The following MED26 variants were observed in gnomAD, a reference collection of about 807,000 sequenced individuals.
MED26 encodes the protein mediator of RNA polymerase II transcription subunit 26.
MED26 carries 7 observed loss-of-function variants against 43.7 expected under a neutral mutation model. The ratio of observed to expected loss-of-function variants is 0.16; its 90% CI spans 0.09 to 0.30. MED26 has a LOEUF of 0.30. Ranked by LOEUF, MED26 falls within the 10% of genes least tolerant of loss-of-function variation. The probability of loss-of-function intolerance (pLI) is 1.00; values close to 1 mark genes in which losing one functional copy is unlikely to be tolerated. For missense variants in MED26, 784 were observed against 840.6 expected, an observed-to-expected ratio of 0.93 and a Z score of 0.83; for synonymous variants, 375 against 371.1, an observed-to-expected ratio of 1.01 and a Z score of -0.12.
chr19:16,585,302 C>T (rs959451099), intron 1 of MED26, among the ~76,000 whole-genome samples: 33 of 152,156 alleles, frequency 2.2e-4, no homozygotes, highest in African/African-American at 7.2e-4. Context: ...CAGGGGCACA[C>T]GCTAGGTCGA....
In MED26 at chr19:16,623,543, C is replaced by T. The variant is rs142084170; in HGVS notation, c.72+4329G>A. Among the ~76,000 whole-genome samples the T allele has an allele frequency of 1.5e-3, 230 of 152,330 alleles. 1 individual carries two copies. The highest frequency in any genetic ancestry group is 3.5e-3 in the Admixed American group (53 of 15,300). On this transcript the variant is annotated intron_variant, in intron 1 of 2. Coordinates refer to ENST00000263390, the MANE Select transcript of MED26 (RefSeq NM_004831.5). The stretch of plus-strand genomic sequence containing the variant: ...TCCACATCGGTTGCTAGTTGCCACA[C>T]CGTGGTCTGGCCCAGGTTTCTGTCT...
chr19:16,598,004 C>T (rs1050575165), intron 1 of MED26, among the ~76,000 whole-genome samples: 3 of 151,818 alleles, frequency 2.0e-5, no homozygotes, highest in East Asian at 2.0e-4. Flanking sequence ...GGATTACAGG[C>T]GCAAGCCATT....
intron 1 of MED26, among the ~76,000 whole-genome samples, chr19:16,591,547 C>T (rs886374109): frequency 5.9e-5 from 9 of 152,198 alleles, no homozygotes; most frequent in African/African-American, 2.2e-4. Flanking sequence ...TGCCAAGCAG[C>T]CACCAAGCCA....
At chr19:16,605,699 A>C (rs2086169432) in intron 1 of MED26, among the ~76,000 whole-genome samples, 1 of 152,158 alleles carries the variant, frequency 6.6e-6, no homozygotes, top group South Asian at 2.1e-4. Flanking sequence ...AGGGTGGGAG[A>C]CATGGCTTGG....
intron 1 of MED26, among the ~76,000 whole-genome samples, chr19:16,591,899 T>G (rs1360611433): frequency 1.3e-5 from 2 of 152,214 alleles, no homozygotes; most frequent in African/African-American, 4.8e-5. Context: ...AGAGCTGATC[T>G]AGATCCTTCC....
chr19:16,576,629 C>G lies in MED26; in HGVS notation c.1201G>C (p.Asp401His). Reference sequence around the variant, plus strand: ...TGCCCGTCCAAGTTAACCGTATAGTCTCGAGGTCGGTACCTCTTCTTCTTT... The same window carrying G: ...TGCCCGTCCAAGTTAACCGTATAGTGTCGAGGTCGGTACCTCTTCTTCTTT... ...SKKKKRYRPR[D>H]YTVNLDGQVA... The change falls in exon 3 of 3, where the codon GAC becomes CAC. Residue 401 changes from aspartate to histidine, a missense_variant. Physicochemically the swap from Asp to His is moderately conservative, Grantham distance 81. Around this residue, in one of 3 missense-constraint regions of MED26, gnomAD observed 719 missense variants for 730.9 expected, o/e 0.98. Transcript: ENST00000263390. The surrounding 1 kb of genome is among the most constrained non-coding windows in gnomAD (Gnocchi z 6.8). 2 of 1,614,232 alleles carry G rather than the reference C, an allele frequency of 1.2e-6. No homozygotes were observed. The highest frequency in any genetic ancestry group is 1.7e-6 in the Non-Finnish European group (2 of 1,180,042).
chr19:16,627,418 C>A (rs1400516295), intron 1 of MED26, among the ~76,000 whole-genome samples: 1 of 152,196 alleles, frequency 6.6e-6, no homozygotes, highest in Non-Finnish European at 1.5e-5. Context: ...TCCCTGATCA[C>A]CCAGGAGGCC....
intron 1 of MED26, among the ~76,000 whole-genome samples, chr19:16,601,039 G>C (rs960847624): frequency 6.6e-6 from 1 of 152,102 alleles, no homozygotes. Flanking sequence ...GCAGTGAGCT[G>C]AGACTGTGCT....
rs751812519 is a variant in MED26, at chr19:16,608,578, CCA to C, written c.72+19292_72+19293del. Among the ~76,000 whole-genome samples the C allele has an allele frequency of 5.9e-5, 9 of 152,300 alleles. 1 individual carries two copies. The South Asian group carries it at 8.3e-4, about 14-fold the overall frequency. On this transcript the variant is annotated intron_variant, in intron 1 of 2. Coordinates refer to ENST00000263390, the MANE Select transcript of MED26 (RefSeq NM_004831.5). ...AACTAGAAATCTGCAAACTCCTGGG[CCA>C]TTCCATAACACTGTCTGTTTTTGTA...
intron 1 of MED26, among the ~76,000 whole-genome samples, chr19:16,601,136 G>A (rs543475992): frequency 1.2e-3 from 179 of 151,868 alleles, no homozygotes; most frequent in African/African-American, 4.1e-3. Flanking sequence ...CTGGGGCCCA[G>A]GCAGCCTGGT....
rs1028295617 is a variant in MED26 at position 16,587,782 on chromosome 19, G to A, written c.73-9373C>T. 1 of 152,322 alleles carries A rather than the reference G, an allele frequency of 6.6e-6. No individual in the cohort carries two copies. The highest frequency in any genetic ancestry group is 1.5e-5 in the Non-Finnish European group (1 of 68,108). 9.4% of individuals were successfully genotyped at this position (152,322 alleles called of 1,614,324 possible). A position where few individuals can be genotyped will look rare whatever the true frequency, so the allele number is the denominator to read the frequency against. On this transcript the variant is annotated intron_variant, in intron 1 of 2. Transcript: ENST00000263390. This position sits in a 1 kb window ranked among gnomAD's most constrained non-coding sequence, Gnocchi z 4.9. ...AATTGCATGCTACAACTCAGCCCGG[G>A]GGACGGGAAATGCCACCTGAGTACA...
At chr19:16,583,739 G>A (rs756094605) in intron 1 of MED26, among the ~76,000 whole-genome samples, 7 of 152,128 alleles carry the variant, frequency 4.6e-5, no homozygotes, top group Non-Finnish European at 7.4e-5. Flanking sequence ...CTGTCACACC[G>A]AACACTTTCA....
rs149667639 is a variant in MED26 at position 16,581,388 on chromosome 19, G to A, written c.73-2979C>T. Among the ~76,000 whole-genome samples, 77 of 152,254 alleles carry A rather than the reference G, an allele frequency of 5.1e-4. 1 individual carries two copies. The highest frequency in any genetic ancestry group is 1.8e-3 in the African/African-American group (74 of 41,538). On this transcript the variant is annotated intron_variant, in intron 1 of 2. Transcript: ENST00000263390. ...AGGCCAGTCCCAGACAGACAGCAAGGCCAACCACTCCCTGCCCCAGGCACT... is the reference window on the plus strand; with the variant it reads ...AGGCCAGTCCCAGACAGACAGCAAGACCAACCACTCCCTGCCCCAGGCACT...
intron 1 of MED26, among the ~76,000 whole-genome samples, chr19:16,609,999 G>C (rs891751054): frequency 1.3e-5 from 2 of 149,646 alleles, no homozygotes; most frequent in Non-Finnish European, 3.0e-5. Flanking sequence ...TATTCAAGCC[G>C]GGTGTGGTCG....
intron 1 of MED26, among the ~76,000 whole-genome samples, chr19:16,593,936 A>G (rs1365213779): frequency 6.6e-6 from 1 of 152,168 alleles, no homozygotes; most frequent in African/African-American, 2.4e-5. Flanking sequence ...TTCGTTTTCA[A>G]TGCAGAGGTC....
chr19:16,577,262 C>T lies in MED26; in HGVS notation c.568G>A (p.Glu190Lys), dbSNP rs752988166. ...LPTNGISGSP[E>K]SFASSLDGSG... is the part of the protein sequence containing the mutation. ...CCATCCAGGGAGCTGGCGAAGCTCT[C>T]TGGACTCCCACTGATCCCGTTGGTG... Residue 190 changes from glutamate (E) to lysine (K), a missense_variant, in exon 3 of 3, where the codon GAG (glutamate) becomes AAG (lysine). Transcript: ENST00000263390. This position sits in a 1 kb window ranked among gnomAD's most constrained non-coding sequence, Gnocchi z 8.1. 1 of 1,612,980 alleles carries T rather than the reference C, an allele frequency of 6.2e-7. No individual in the cohort carries two copies. The highest frequency in any genetic ancestry group is 8.5e-7 in the Non-Finnish European group (1 of 1,179,732).
intron 1 of MED26, among the ~76,000 whole-genome samples, chr19:16,616,890 T>C (rs931762069): frequency 6.6e-6 from 1 of 152,058 alleles, no homozygotes; most frequent in Non-Finnish European, 1.5e-5. Context: ...GCCTTGTCAT[T>C]CATTCCAAGT....
rs1807416 is a variant in MED26 at position 16,614,344 on chromosome 19, A to T, written c.72+13528T>A. Reference sequence around the variant, plus strand: ...GGAATTTGAGACCAGCCTGGGCAACATGGTGAAACCCCAACTCTACAAAAA... The same window carrying T: ...GGAATTTGAGACCAGCCTGGGCAACTTGGTGAAACCCCAACTCTACAAAAA... On this transcript the variant is annotated intron_variant, in intron 1 of 2. Transcript: ENST00000263390. Among the ~76,000 whole-genome samples, 506 of 152,178 alleles carry T rather than the reference A, an allele frequency of 3.3e-3. 3 individuals carry two copies. Among genetic ancestry groups the T allele is most frequent in the African/African-American group, 0.012 (494 of 41,516 alleles).
At chr19:16,593,193 T>G (rs567040875) in intron 1 of MED26, among the ~76,000 whole-genome samples, 94 of 152,316 alleles carry the variant, frequency 6.2e-4, no homozygotes, top group African/African-American at 2.2e-3. Context: ...CCGAAGTCAC[T>G]GCATATTTCA....
Sources: gnomAD v4.1 joint callset for allele counts (sites outside exome capture counted in the v4.1 genomes callset) on GRCh38, gnomAD v4.1.1 for gene constraint, gnomAD v4.1.1 regional missense constraint, Gnocchi (gnomAD v3.1) non-coding constraint, MANE v1.5 for transcripts, NCBI Gene and HGNC (gene_info 2026-07-23, HGNC 2026-07-21) for gene names.